Variants in RFXANK observed in about 807,000 individuals in gnomAD.
RFXANK encodes the protein regulatory factor X associated ankyrin containing protein.
In RFXANK, 19 loss-of-function variants were observed where a neutral mutation model predicts 34.5. The ratio of observed to expected loss-of-function variants is 0.55; its 90% CI spans 0.38 to 0.81. The LOEUF is 0.81. RFXANK is among the 30% of genes least tolerant of loss of function. The pLI is 0.00. For synonymous variants in RFXANK, 154 were observed against 149.8 expected (o/e 1.03, Z -0.20); for missense variants, 295 against 343.5 (o/e 0.86, Z 1.12).
chr19:19,198,060 G>T (rs1220842841), intron 6 of RFXANK, 47 bp from the exon 7 acceptor site: 2 of 1,609,360 alleles, frequency 1.2e-6, no homozygotes, highest in South Asian at 2.2e-5. Flanking sequence ...CAGGATTCCT[G>T]GTTATGCCCC....
chr19:19,197,238 G>A lies in RFXANK; in HGVS notation c.324G>A (p.Glu108=). Residue 108 remains glutamate (E), a synonymous_variant, in exon 5 of 10, where the codon GAG becomes GAA. Coordinates refer to ENST00000303088, the MANE Select transcript of RFXANK (RefSeq NM_003721.4). ...AAQGELDQLK[E]HLRKGDNLVN... ...AGGGGGAGCTGGACCAGCTGAAGGAGCATTTGCGGAAAGGTGCGTGTCCAC... is the reference window on the plus strand; with the variant it reads ...AGGGGGAGCTGGACCAGCTGAAGGAACATTTGCGGAAAGGTGCGTGTCCAC... 3 of 1,613,154 alleles carry A rather than the reference G, an allele frequency of 1.9e-6. No individual in the cohort carries two copies. Among genetic ancestry groups the A allele is most frequent in the Non-Finnish European group, 2.5e-6 (3 of 1,180,032 alleles).
rs1257948565 is a variant in RFXANK at position 19,192,539 on chromosome 19, G to C, written c.-165G>C. 5.3e-6 allele frequency: 1 copy of C among 190,420 alleles called. No homozygotes were observed. Among genetic ancestry groups the C allele is most frequent in the Non-Finnish European group, 1.1e-5 (1 of 91,078 alleles). 11.8% of individuals were successfully genotyped at this position (190,420 alleles called of 1,614,324 possible). ...AGACCGCAGAAGGGACCTTGTTGTG[G>C]AACGGGACGGCCAAGGTACGCTGCC... On this transcript the variant is annotated 5_prime_UTR_variant, in exon 1 of 10. Transcript: ENST00000303088.
At position 19,192,314 on chromosome 19, in the gene RFXANK, TG is replaced by T; in HGVS notation, c.-388del. On this transcript the variant is annotated 5_prime_UTR_variant, in exon 1 of 10. Coordinates refer to ENST00000303088, the MANE Select transcript of RFXANK (RefSeq NM_003721.4). ...GCAGGGAAGGAGGCACACCCGGGGG[TG>T]GCGCAGTGAGGAGGGGGCGCGACGG... 3 of 687,774 alleles carry T rather than the reference TG, an allele frequency of 4.4e-6. No individual in the cohort carries two copies. Among genetic ancestry groups the T allele is most frequent in the Non-Finnish European group, 7.2e-6 (3 of 418,192 alleles). The allele number at this position is 687,774 out of a possible 1,614,324, so 42.6% of individuals were successfully genotyped here.
At chr19:19,198,026 A>AAT in intron 6 of RFXANK, 81 bp from the exon 7 acceptor site, 2 of 1,550,734 alleles carry the variant, frequency 1.3e-6, no homozygotes, top group East Asian at 4.5e-5. Context: ...AAAAAAAAAA[A>AAT]AGATGCGGCT....
rs573479798 is a variant in RFXANK at position 19,192,406 on chromosome 19, C to A, written c.-298C>A. The A allele has an allele frequency of 1.9e-6, 1 of 537,342 alleles. No homozygotes were observed. The highest frequency in any genetic ancestry group is 3.3e-6 in the Non-Finnish European group (1 of 299,300). The allele number at this position is 537,342 out of a possible 1,614,324, so 33.3% of individuals were successfully genotyped here. A position where few individuals can be genotyped will look rare whatever the true frequency, so the allele number is the denominator to read the frequency against. On this transcript the variant is annotated 5_prime_UTR_variant, in exon 1 of 10. Coordinates refer to ENST00000303088, the MANE Select transcript of RFXANK (RefSeq NM_003721.4). Reference sequence around the variant, plus strand: ...AAGAACTCTCTCCCTTTCTGAACCCCCTTTTCCTTGAGAGACGAGTTGGGG... The same window carrying A: ...AAGAACTCTCTCCCTTTCTGAACCCACTTTTCCTTGAGAGACGAGTTGGGG...
chr19:19,198,942 C>A (rs1359605639), intron 8 of RFXANK: 1 of 746,202 alleles, frequency 1.3e-6, no homozygotes, highest in Non-Finnish European at 2.4e-6. Context: ...CTAAGCACCT[C>A]CATCCTCCAT....
chr19:19,195,212 T>G (rs979512385), intron 3 of RFXANK, among the ~76,000 whole-genome samples: 7 of 145,732 alleles, frequency 4.8e-5, no homozygotes, highest in Admixed American at 1.4e-4. Flanking sequence ...TCCGTTTTTT[T>G]TTTTTTTTTT....
rs1802498 is a variant in RFXANK, at chr19:19,201,687, C to T, written c.751C>T (p.Gln251Ter). Residue 251 changes from glutamine to a stop codon, truncating the protein, a stop_gained, in exon 10 of 10, where the codon CAG becomes TAG. Transcript: ENST00000303088. LOFTEE classifies it high-confidence loss of function. Reference sequence around the variant, plus strand: ...CGAGAACCACATCCTCAAGCTCTTCCAGAGCAACCTGGTGCCCGCTGACCC... The same window carrying T: ...CGAGAACCACATCCTCAAGCTCTTCTAGAGCAACCTGGTGCCCGCTGACCC... The part of the protein sequence containing the change: ...VIENHILKLF[Q>*]SNLVPADPE The T allele has an allele frequency of 1.9e-6, 3 of 1,614,104 alleles. No individual in the cohort carries two copies. The highest frequency in any genetic ancestry group is 2.5e-6 in the Non-Finnish European group (3 of 1,180,030).
intron 7 of RFXANK, 45 bp from the exon 8 acceptor site, chr19:19,198,612 A>C: frequency 6.2e-7 from 1 of 1,602,882 alleles, no homozygotes; most frequent in Non-Finnish European, 8.5e-7. Flanking sequence ...TTTGAGAATG[A>C]GGAAGAGGTA....
Position 19,199,203 on chromosome 19 carries a change from G to A in RFXANK, c.681G>A (p.Met227Ile). Reference sequence around the variant, plus strand: ...AAGCCGACTCTGGCTACACCCCGATGGACCTTGCCGTGGCCCTGGGATACC... The same window carrying A: ...AAGCCGACTCTGGCTACACCCCGATAGACCTTGCCGTGGCCCTGGGATACC... ...TTEADSGYTP[M>I]DLAVALGYRK... Residue 227 changes from methionine (M) to isoleucine (I), a missense_variant, in exon 9 of 10, where the codon ATG becomes ATA. By Grantham distance (10) the Met-to-Ile change is conservative. Transcript: ENST00000303088. 6.2e-7 allele frequency: 1 copy of A among 1,614,106 alleles called. No homozygotes were observed.
rs543026448 is a variant in RFXANK at position 19,197,763 on chromosome 19, C to G, written c.438+142C>G. 1.3e-4 allele frequency: 98 copies of G among 783,908 alleles called. No individual in the cohort carries two copies. In the African/African-American group the frequency reaches 1.5e-3, roughly 12 times the overall value. 48.6% of individuals were successfully genotyped at this position (783,908 alleles called of 1,614,324 possible). Reference sequence around the variant, plus strand: ...GTGGCTCATGCCTGTAATCCCAGCACTTTGGGAGGCCGAGGCGGGTGGATC... The same window carrying G: ...GTGGCTCATGCCTGTAATCCCAGCAGTTTGGGAGGCCGAGGCGGGTGGATC... On this transcript the variant is annotated intron_variant, in intron 6 of 9. Transcript: ENST00000303088.
intron 9 of RFXANK, chr19:19,201,350 T>G: frequency 1.1e-6 from 1 of 932,008 alleles, no homozygotes; most frequent in Non-Finnish European, 1.6e-6. Flanking sequence ...AGTGCTGGGA[T>G]TATAGGTGTG....
Position 19,201,708 on chromosome 19 carries a change from G to A in RFXANK, c.772G>A (p.Asp258Asn). The change falls in exon 10 of 10, where the codon GAC (aspartate) becomes AAC (asparagine). Residue 258 changes from aspartate to asparagine, a missense_variant. Physicochemically the swap from Asp to Asn is conservative, Grantham distance 23. Transcript: ENST00000303088. Reference sequence around the variant, plus strand: ...CTTCCAGAGCAACCTGGTGCCCGCTGACCCTGAGTGAAGGCCGCCTGCCGG... The same window carrying A: ...CTTCCAGAGCAACCTGGTGCCCGCTAACCCTGAGTGAAGGCCGCCTGCCGG... The part of the protein sequence containing the change: ...KLFQSNLVPA[D>N]PE The A allele has an allele frequency of 1.9e-6, 3 of 1,614,016 alleles. No individual in the cohort carries two copies. Among genetic ancestry groups the A allele is most frequent in the Non-Finnish European group, 1.7e-6 (2 of 1,180,012 alleles).
In RFXANK at chr19:19,198,093, T is replaced by G. The variant is rs1168311068; in HGVS notation, c.439-14T>G. The G allele has an allele frequency of 6.2e-7, 1 of 1,611,662 alleles. No homozygotes were observed. The highest frequency in any genetic ancestry group is 1.7e-5 in the Admixed American group (1 of 59,876). On this transcript the variant is annotated splice_polypyrimidine_tract_variant and intron_variant, in intron 6 of 9. Coordinates refer to ENST00000303088, the MANE Select transcript of RFXANK (RefSeq NM_003721.4). Reference sequence around the variant, plus strand: ...CCCAATCCATCCTACCACTGTCCCTTCTTCTCCCTGCAGGGTGCCGACCCC... The same window carrying G: ...CCCAATCCATCCTACCACTGTCCCTGCTTCTCCCTGCAGGGTGCCGACCCC...
At position 19,198,707 on chromosome 19, in the gene RFXANK, C is replaced by T. The variant is rs1390107544; in HGVS notation, c.615C>T (p.Cys205=). 27 of 1,613,880 alleles carry T rather than the reference C, an allele frequency of 1.7e-5. No individual in the cohort carries two copies. Among genetic ancestry groups the T allele is most frequent in the East Asian group, 2.2e-5 (1 of 44,896 alleles). ...CTGTGCGCGGGAACCACGTGAAATGCGTTGAGGCCTTGCTGGGTGAGTGGG... is the reference window on the plus strand; with the variant it reads ...CTGTGCGCGGGAACCACGTGAAATGTGTTGAGGCCTTGCTGGGTGAGTGGG... ...LYAVRGNHVK[C]VEALLARGAD... The change falls in exon 8 of 10, where the codon TGC becomes TGT. Residue 205 remains cysteine (C), a synonymous_variant. Transcript: ENST00000303088.
At position 19,201,827 on chromosome 19, in the gene RFXANK, G is replaced by A. The variant is rs1048062774; in HGVS notation, c.*108G>A. On this transcript the variant is annotated 3_prime_UTR_variant, in exon 10 of 10. Transcript: ENST00000303088. ...AGCTTCTGGACAGGTGGTGGGAGGGGACCCTTCCCAAGAGGAACCAATAAA... is the reference window on the plus strand; with the variant it reads ...AGCTTCTGGACAGGTGGTGGGAGGGAACCCTTCCCAAGAGGAACCAATAAA... 6.2e-7 allele frequency: 1 copy of A among 1,611,580 alleles called. No homozygotes were observed.
chr19:19,198,192 T>C lies in RFXANK; in HGVS notation c.524T>C (p.Leu175Pro), dbSNP rs2060635912. Reference sequence around the variant, plus strand: ...GGCGGCTACACAGACATTGTGGGGCTGCTGCTGGAGCGTGACGTGGACATC... The same window carrying C: ...GGCGGCTACACAGACATTGTGGGGCCGCTGCTGGAGCGTGACGTGGACATC... ...STGGYTDIVG[L>P]LLERDVDINI... Residue 175 changes from leucine (L) to proline (P), a missense_variant, in exon 7 of 10, where the codon CTG (leucine) becomes CCG (proline). Transcript: ENST00000303088. The C allele has an allele frequency of 6.2e-7, 1 of 1,614,178 alleles. No individual in the cohort carries two copies.
rs73922828 is a variant in RFXANK at position 19,198,861 on chromosome 19, A to G, written c.631+138A>G. The G allele has an allele frequency of 8.1e-3, 7,563 of 930,630 alleles. 377 individuals are homozygous for G. The African/African-American group carries it at 0.11, about 13-fold the overall frequency. The allele number at this position is 930,630 out of a possible 1,614,324, so 57.6% of individuals were successfully genotyped here. On this transcript the variant is annotated intron_variant, in intron 8 of 9. Coordinates refer to ENST00000303088, the MANE Select transcript of RFXANK (RefSeq NM_003721.4). ...AGTCCCTGCCTGCTCTTCTCGGAGG[A>G]TGGATCAGAGGGGAGGAGGTGGTAG...
intron 8 of RFXANK, 107 bp downstream of exon 8, chr19:19,198,830 G>T: frequency 8.6e-7 from 1 of 1,157,696 alleles, no homozygotes; most frequent in South Asian, 1.2e-5. Flanking sequence ...AGTTCTTGGA[G>T]CAGGTAGTCC....
Sources: gnomAD v4.1 joint callset for allele counts (sites outside exome capture counted in the v4.1 genomes callset) on GRCh38, gnomAD v4.1.1 for gene constraint, MANE v1.5 for transcripts, NCBI Gene and HGNC (gene_info 2026-07-23, HGNC 2026-07-21) for gene names.